The following TM7SF3 variants were observed in gnomAD, a reference collection of about 807,000 sequenced individuals.
TM7SF3 encodes the protein transmembrane 7 superfamily member 3, also known as seven span transmembrane protein.
Under a neutral mutation model 65.5 loss-of-function variants are expected in TM7SF3, and 60 were observed. The observed-to-expected ratio is 0.92, with a 90% CI of 0.74 to 1.14. The LOEUF is 1.14. Ranked by LOEUF, TM7SF3 falls within the 50% of genes most tolerant of loss-of-function variation. TM7SF3 has a pLI of 0.00. For synonymous variants in TM7SF3, 264 were observed against 259.6 expected (o/e 1.02, Z -0.16); for missense variants, 623 against 684.8 (o/e 0.91, Z 1.01).
chr12:27,006,228 T>A (rs1941030887), intron 1 of TM7SF3, among the ~76,000 whole-genome samples: 1 of 143,832 alleles, frequency 7.0e-6, no homozygotes, highest in African/African-American at 2.6e-5. Flanking sequence ...AATCTCCACC[T>A]CCAGGTTCAA....
At position 26,973,867 on chromosome 12, in the gene TM7SF3, T is replaced by C. The variant is rs1264731438; in HGVS notation, c.*98A>G. The C allele has an allele frequency of 7.0e-7, 1 of 1,435,582 alleles. No individual in the cohort carries two copies. Among genetic ancestry groups the C allele is most frequent in the Non-Finnish European group, 9.4e-7 (1 of 1,063,826 alleles). 88.9% of individuals were successfully genotyped at this position (1,435,582 alleles called of 1,614,324 possible). A position where few individuals can be genotyped will look rare whatever the true frequency, so the allele number is the denominator to read the frequency against. ...CATAATATTATGCAAAGAACAGATA[T>C]ATATGCCTGATCTCTTATTAGACTT... On this transcript the variant is annotated 3_prime_UTR_variant, in exon 12 of 12. Coordinates refer to ENST00000343028, the MANE Select transcript of TM7SF3 (RefSeq NM_016551.3).
chr12:27,012,701 A>G, intron 1 of TM7SF3: 1 of 456,068 alleles, frequency 2.2e-6, no homozygotes, highest in Non-Finnish European at 4.4e-6. Flanking sequence ...TGAGATGAAC[A>G]AGAATTACCT....
chr12:27,003,474 T>A (rs1297007643), intron 1 of TM7SF3, 84 bp from the exon 2 acceptor site: 1 of 1,319,124 alleles, frequency 7.6e-7, no homozygotes, highest in Non-Finnish European at 1.0e-6. Context: ...AATGTGGAAT[T>A]TAATCCTCAG....
chr12:26,985,396 C>T (rs1368257755), intron 6 of TM7SF3, among the ~76,000 whole-genome samples: 5 of 151,488 alleles, frequency 3.3e-5, no homozygotes, highest in Admixed American at 6.6e-5. Flanking sequence ...GAGGCCGAGG[C>T]GGGCATATCA....
intron 5 of TM7SF3, among the ~76,000 whole-genome samples, chr12:26,991,141 CTTTTTTTTT>C (rs35362439): frequency 0.024 from 2,562 of 107,500 alleles, 72 homozygotes; most frequent in African/African-American, 0.083. Flanking sequence ...AGTAGTAGTT[CTTTTTTTTT>C]TTTTTTTTTT....
chr12:27,003,899 A>G (rs1257847760), intron 1 of TM7SF3, among the ~76,000 whole-genome samples: 6 of 152,288 alleles, frequency 3.9e-5, no homozygotes, highest in African/African-American at 1.4e-4. Context: ...TTAAGCCTCA[A>G]TTTCCTCATC....
intron 3 of TM7SF3, among the ~76,000 whole-genome samples, chr12:26,997,639 C>T (rs993924389): frequency 6.6e-6 from 1 of 152,050 alleles, no homozygotes; most frequent in Non-Finnish European, 1.5e-5. Context: ...GCTCCCTCTC[C>T]TTCCCTTTAC....
At chr12:27,006,686 A>G (rs948645672) in intron 1 of TM7SF3, among the ~76,000 whole-genome samples, 1 of 152,232 alleles carries the variant, frequency 6.6e-6, no homozygotes, top group Non-Finnish European at 1.5e-5. Context: ...GGCAGATATA[A>G]GCATGCATAT....
rs747506064 is a variant in TM7SF3 at position 26,995,308 on chromosome 12, T to C, written c.619A>G (p.Thr207Ala). Reference sequence around the variant, plus strand: ...AGATGCTTCAGCAACATCTCCTCAGTGAGGTCATTCTCAGGCAGAAAATAC... The same window carrying C: ...AGATGCTTCAGCAACATCTCCTCAGCGAGGTCATTCTCAGGCAGAAAATAC... ...YQYFLPENDL[T>A]EEMLLKHLQR... The change falls in exon 5 of 12, where the codon ACT becomes GCT. Residue 207 changes from threonine to alanine, a missense_variant. Transcript: ENST00000343028. 31 of 1,614,000 alleles carry C rather than the reference T, an allele frequency of 1.9e-5. No homozygotes were observed. In the South Asian group the frequency reaches 3.4e-4, roughly 18 times the overall value.
chr12:27,008,956 C>T (rs1381671135), intron 1 of TM7SF3, among the ~76,000 whole-genome samples: 3 of 152,208 alleles, frequency 2.0e-5, no homozygotes, highest in African/African-American at 7.2e-5. Context: ...CCTGACTTCA[C>T]TGCACAATAT....
At position 26,979,884 on chromosome 12, in the gene TM7SF3, T is replaced by C; in HGVS notation, c.1089A>G (p.Val363=). The change falls in exon 9 of 12, where the codon GTA becomes GTG. Residue 363 remains valine, a synonymous_variant. Coordinates refer to ENST00000343028, the MANE Select transcript of TM7SF3 (RefSeq NM_016551.3). ...VTGSVGGMFL[V]AVWWRFGILS... is the part of the protein sequence containing the mutation. ...GGATTCCAAATCGCCACCACACAGC[T>C]ACCAAGAACATTCCACCGACGCTTC... is the stretch of plus-strand genomic sequence containing the variant. The C allele has an allele frequency of 6.2e-7, 1 of 1,614,154 alleles. No homozygotes were observed. Among genetic ancestry groups the C allele is most frequent in the Non-Finnish European group, 8.5e-7 (1 of 1,180,026 alleles).
chr12:26,985,263 G>C (rs1173237873), intron 6 of TM7SF3, among the ~76,000 whole-genome samples: 1 of 152,160 alleles, frequency 6.6e-6, no homozygotes, highest in South Asian at 2.1e-4. Flanking sequence ...TTGGGAGGCT[G>C]AGGCGGGTGG....
chr12:27,003,191 C>T (rs970607065), intron 2 of TM7SF3, 45 bp downstream of exon 2: 8 of 1,452,356 alleles, frequency 5.5e-6, no homozygotes, highest in Non-Finnish European at 7.5e-6. Context: ...ACCAGACCCC[C>T]AAAATATAGA....
At chr12:27,009,215 TTGAC>T (rs1346501726) in intron 1 of TM7SF3, among the ~76,000 whole-genome samples, 6 of 152,218 alleles carry the variant, frequency 3.9e-5, no homozygotes, top group Admixed American at 6.5e-5. Context: ...CAAATTTATC[TTGAC>T]TATTTCTGAT....
At chr12:26,993,501 C>T (rs1046368574) in intron 5 of TM7SF3, among the ~76,000 whole-genome samples, 6 of 152,196 alleles carry the variant, frequency 3.9e-5, no homozygotes, top group African/African-American at 1.2e-4. Context: ...TGTCAGACTG[C>T]ACTACATAAG....
rs568130118 is a variant in TM7SF3, at chr12:26,974,340, T to C, written c.1451-113A>G. 66 of 1,162,674 alleles carry C rather than the reference T, an allele frequency of 5.7e-5. No individual in the cohort carries two copies. The African/African-American group carries it at 7.0e-4, about 12-fold the overall frequency. 72.0% of individuals were successfully genotyped at this position (1,162,674 alleles called of 1,614,324 possible). A position where few individuals can be genotyped will look rare whatever the true frequency, so the allele number is the denominator to read the frequency against. On this transcript the variant is annotated intron_variant, in intron 11 of 11. Coordinates refer to ENST00000343028, the MANE Select transcript of TM7SF3 (RefSeq NM_016551.3). The stretch of plus-strand genomic sequence containing the variant: ...TATTCCTTTCTAATAGACTTTCTGG[T>C]GAGTTAGTCCAAACACATATGTAGT...
intron 2 of TM7SF3, among the ~76,000 whole-genome samples, chr12:27,001,162 T>G (rs1414052580): frequency 1.3e-5 from 2 of 152,128 alleles, no homozygotes; most frequent in African/African-American, 4.8e-5. Flanking sequence ...ACAGAAGCAC[T>G]TCTCTTTACA....
intron 7 of TM7SF3, 98 bp downstream of exon 7, chr12:26,982,675 A>G (rs1179663669): frequency 5.4e-6 from 4 of 741,412 alleles, no homozygotes; most frequent in Non-Finnish European, 6.5e-6. Context: ...CTATGAAGAT[A>G]GTAGAGATAA....
At chr12:26,990,682 T>C in intron 5 of TM7SF3, 55 bp from the exon 6 acceptor site, 3 of 1,385,852 alleles carry the variant, frequency 2.2e-6, no homozygotes, top group Non-Finnish European at 3.0e-6. Flanking sequence ...TAAGCTATTC[T>C]GTGATAATCC....
Sources: gnomAD v4.1 joint callset for allele counts (sites outside exome capture counted in the v4.1 genomes callset) on GRCh38, gnomAD v4.1.1 for gene constraint, MANE v1.5 for transcripts, NCBI Gene and HGNC (gene_info 2026-07-23, HGNC 2026-07-21) for gene names.